Variants in MGAT5 observed in about 807,000 individuals in gnomAD.
The protein encoded by MGAT5 is alpha-1,6-mannosylglycoprotein 6-beta-N-acetylglucosaminyltransferase, also known as alpha-1,6-mannosylglycoprotein 6-beta-N-acetylglucosaminyltransferase A.
Under a neutral mutation model 94.3 loss-of-function variants are expected in MGAT5, and 30 were observed. The observed-to-expected ratio is 0.32, with a 90% CI of 0.24 to 0.43. The LOEUF is 0.43. Among genes scored for constraint, MGAT5 ranks in the 20% least tolerant of loss-of-function variants. The pLI, the probability that MGAT5 is intolerant of heterozygous loss-of-function variation, is 1.00. For missense variants in MGAT5, 691 were observed against 905.5 expected (o/e 0.76, Z 3.04); for synonymous variants, 310 against 322.9 (o/e 0.96, Z 0.43).
rs549388070 is a variant in MGAT5, at chr2:134,402,496, A to T, written c.1381-492A>T. On this transcript the variant is annotated intron_variant, in intron 10 of 15. Transcript: ENST00000281923. ...CAACATGAGTTAATCATCACTAGAA[A>T]CATTGGCAAGAGCTGGGGAATGTTT... 9.2e-5 allele frequency among the ~76,000 whole-genome samples: 14 copies of T among 152,346 alleles called. No individual in the cohort carries two copies. The South Asian group carries it at 2.9e-3, about 32-fold the overall frequency.
intron 1 of MGAT5, among the ~76,000 whole-genome samples, chr2:134,154,579 G>A (rs565979382): frequency 6.6e-6 from 1 of 152,278 alleles, no homozygotes; most frequent in East Asian, 1.9e-4. Context: ...GGCTGTGTAA[G>A]CTGGTGGTAA....
intron 9 of MGAT5, among the ~76,000 whole-genome samples, chr2:134,356,885 A>G (rs1679777112): frequency 6.6e-6 from 1 of 151,450 alleles, no homozygotes; most frequent in Non-Finnish European, 1.5e-5. Flanking sequence ...ACTGACTGTG[A>G]CCTCCTCTTT....
At chr2:134,404,454 G>A (rs948089810) in intron 11 of MGAT5, among the ~76,000 whole-genome samples, 2 of 152,218 alleles carry the variant, frequency 1.3e-5, no homozygotes, top group African/African-American at 4.8e-5. Flanking sequence ...TGAGGAAATA[G>A]GCTACAGAGT....
intron 1 of MGAT5, among the ~76,000 whole-genome samples, chr2:134,170,436 TG>T (rs1359307681): frequency 1.3e-5 from 2 of 152,240 alleles, no homozygotes; most frequent in African/African-American, 4.8e-5. Flanking sequence ...GACTGTGGGT[TG>T]AGCCTGTTCT....
intron 15 of MGAT5, among the ~76,000 whole-genome samples, chr2:134,446,108 G>A (rs1193415736): frequency 2.0e-5 from 3 of 152,016 alleles, no homozygotes; most frequent in Admixed American, 6.5e-5. Flanking sequence ...GCCTGGTGTC[G>A]GGTCTCACCT....
At chr2:134,398,416 G>T (rs1358906304) in intron 10 of MGAT5, among the ~76,000 whole-genome samples, 1 of 152,208 alleles carries the variant, frequency 6.6e-6, no homozygotes, top group Non-Finnish European at 1.5e-5. Flanking sequence ...CACCCTGGAG[G>T]AGCCAACTTT....
chr2:134,384,837 G>C (rs1410582848), intron 10 of MGAT5, among the ~76,000 whole-genome samples: 1 of 152,134 alleles, frequency 6.6e-6, no homozygotes, highest in Non-Finnish European at 1.5e-5. Context: ...ACATTTAAAA[G>C]CTAAAAAGCA....
intron 15 of MGAT5, among the ~76,000 whole-genome samples, chr2:134,446,164 CTG>C (rs1335096600): frequency 1.3e-5 from 2 of 152,180 alleles, no homozygotes; most frequent in East Asian, 3.9e-4. Context: ...GCGGCGGTCT[CTG>C]TGCATCACCC....
chr2:134,290,554 C>T (rs80133220), intron 2 of MGAT5, among the ~76,000 whole-genome samples: 2,696 of 152,252 alleles, frequency 0.018, 89 homozygotes, highest in African/African-American at 0.061. Context: ...AGAAATTGTT[C>T]TTCTAAAACC....
At chr2:134,428,330 C>T in intron 13 of MGAT5, 35 bp from the exon 14 acceptor site, 3 of 1,600,560 alleles carry the variant, frequency 1.9e-6, no homozygotes, top group Non-Finnish European at 2.6e-6. Flanking sequence ...GTTCTCTGTC[C>T]TTCTCCTTCA....
chr2:134,374,807 A>G (rs1325537801), intron 10 of MGAT5, among the ~76,000 whole-genome samples: 7 of 152,196 alleles, frequency 4.6e-5, no homozygotes, highest in Non-Finnish European at 1.5e-5. Flanking sequence ...AGCCTGGGCA[A>G]CCTGGCGAAA....
intron 1 of MGAT5, among the ~76,000 whole-genome samples, chr2:134,244,072 A>C (rs1303345972): frequency 6.6e-6 from 1 of 152,130 alleles, no homozygotes; most frequent in Non-Finnish European, 1.5e-5. Context: ...GAAAAGGTGC[A>C]TTTTACACTT....
chr2:134,381,409 G>GATAGAT (rs1553457754), intron 10 of MGAT5, among the ~76,000 whole-genome samples: 71 of 137,782 alleles, frequency 5.2e-4, no homozygotes, highest in African/African-American at 1.8e-3. Context: ...TAGATAGATA[G>GATAGAT]ATAGATAGAT....
chr2:134,207,657 GA>G (rs1477809037), intron 1 of MGAT5, among the ~76,000 whole-genome samples: 1 of 152,014 alleles, frequency 6.6e-6, no homozygotes, highest in Non-Finnish European at 1.5e-5. Flanking sequence ...GAGATTTTAA[GA>G]GCTTAGTGGC....
At chr2:134,143,738 G>A (rs2104967061) in intron 1 of MGAT5, among the ~76,000 whole-genome samples, 1 of 152,332 alleles carries the variant, frequency 6.6e-6, no homozygotes, top group African/African-American at 2.4e-5. Context: ...TGTGGAAGAG[G>A]AGGGTGTGCA....
At chr2:134,363,896 ATATT>A (rs1680256685) in intron 10 of MGAT5, among the ~76,000 whole-genome samples, 1 of 152,244 alleles carries the variant, frequency 6.6e-6, no homozygotes, top group Non-Finnish European at 1.5e-5. Flanking sequence ...TAAAACAGGC[ATATT>A]GGGTGTTCTC....
intron 1 of MGAT5, among the ~76,000 whole-genome samples, chr2:134,238,547 A>T (rs976791063): frequency 6.6e-6 from 1 of 152,188 alleles, no homozygotes; most frequent in African/African-American, 2.4e-5. Flanking sequence ...CTTTTCTGGG[A>T]TCATCCCACA....
chr2:134,148,324 T>G (rs936860678), intron 1 of MGAT5, among the ~76,000 whole-genome samples: 1 of 152,134 alleles, frequency 6.6e-6, no homozygotes, highest in Non-Finnish European at 1.5e-5. Context: ...TTTTAAGAAT[T>G]CTAGCACTCT....
intron 10 of MGAT5, among the ~76,000 whole-genome samples, chr2:134,384,393 A>G (rs1681836875): frequency 6.6e-6 from 1 of 152,110 alleles, no homozygotes; most frequent in South Asian, 2.1e-4. Context: ...AAATGTGTTG[A>G]ATGTAACTGG....
Sources: gnomAD v4.1 joint callset for allele counts (sites outside exome capture counted in the v4.1 genomes callset) on GRCh38, gnomAD v4.1.1 for gene constraint, MANE v1.5 for transcripts, NCBI Gene and HGNC (gene_info 2026-07-23, HGNC 2026-07-21) for gene names.